The following PCDH15 variants were observed in gnomAD, a reference collection of about 807,000 sequenced individuals.
PCDH15 encodes the protein protocadherin-15.
Under a neutral mutation model 178.5 loss-of-function variants are expected in PCDH15, and 129 were observed. The ratio of observed to expected loss-of-function variants is 0.72; its 90% CI spans 0.63 to 0.84. The LOEUF (loss-of-function observed/expected upper bound fraction) is 0.84. Ranked by LOEUF, PCDH15 falls within the 40% of genes least tolerant of loss-of-function variation. The pLI is 0.00. For missense variants in PCDH15, 2,230 were observed against 2,099.9 expected, an observed-to-expected ratio of 1.06 and a Z score of -1.21; for synonymous variants, 800 against 732.0, an observed-to-expected ratio of 1.09 and a Z score of -1.50.
At chr10:54,743,339 T>C (rs1163162998) in intron 1 of PCDH15, among the ~76,000 whole-genome samples, 4 of 152,016 alleles carry the variant, frequency 2.6e-5, no homozygotes, top group African/African-American at 4.8e-5. Context: ...GAAGGTATAG[T>C]AGTATTGAAG....
chr10:55,053,275 G>C (rs940833354), intron 2 of PCDH15, among the ~76,000 whole-genome samples: 2 of 152,058 alleles, frequency 1.3e-5, no homozygotes, highest in Admixed American at 6.6e-5. Flanking sequence ...GTGCTCTGAA[G>C]GTCTAGAAGG....
intron 3 of PCDH15, among the ~76,000 whole-genome samples, chr10:54,454,247 A>G (rs1293657248): frequency 6.7e-6 from 1 of 149,508 alleles, no homozygotes; most frequent in Non-Finnish European, 1.5e-5. Flanking sequence ...ATACACAATG[A>G]CCAAACAGAA....
At chr10:54,101,056 G>A (rs558033461) in intron 15 of PCDH15, among the ~76,000 whole-genome samples, 4 of 152,208 alleles carry the variant, frequency 2.6e-5, no homozygotes, top group African/African-American at 9.6e-5. Context: ...ACGTGTTGTG[G>A]GAGAGACCTG....
chr10:54,992,932 G>A (rs188393089), intron 2 of PCDH15, among the ~76,000 whole-genome samples: 5 of 152,248 alleles, frequency 3.3e-5, no homozygotes, highest in Admixed American at 2.0e-4. Flanking sequence ...AAAAGATAAT[G>A]TTTGCTGCTC....
intron 32 of PCDH15, chr10:53,822,024 C>G: frequency 1.9e-6 from 3 of 1,613,964 alleles, no homozygotes; most frequent in Non-Finnish European, 2.5e-6. Context: ...TTCTATTTGA[C>G]TGTACATGTT....
intron 2 of PCDH15, among the ~76,000 whole-genome samples, chr10:55,495,662 G>T (rs957584987): frequency 1.3e-5 from 2 of 151,658 alleles, no homozygotes; most frequent in Non-Finnish European, 2.9e-5. Flanking sequence ...AAGATTACAG[G>T]TTCTTTAAGA....
chr10:53,996,500 G>A (rs1276705298), intron 20 of PCDH15, among the ~76,000 whole-genome samples: 1 of 152,116 alleles, frequency 6.6e-6, no homozygotes, highest in Non-Finnish European at 1.5e-5. Flanking sequence ...TTCAGTGCGA[G>A]GCACTGAAGA....
chr10:53,821,104 G>A (rs935649913), intron 32 of PCDH15: 7 of 979,390 alleles, frequency 7.1e-6, no homozygotes, highest in Non-Finnish European at 8.5e-6. Context: ...AAAAGTCAAC[G>A]ACTCAAGATT....
intron 2 of PCDH15, among the ~76,000 whole-genome samples, chr10:55,359,771 C>CACACACAT (rs1491128091): frequency 2.9e-5 from 4 of 136,688 alleles, no homozygotes; most frequent in East Asian, 2.1e-4. Context: ...CACACACACA[C>CACACACAT]ATATATATAT....
At chr10:54,433,457 GC>G (rs1300701510) in intron 3 of PCDH15, among the ~76,000 whole-genome samples, 3 of 152,126 alleles carry the variant, frequency 2.0e-5, no homozygotes, top group Non-Finnish European at 2.9e-5. Context: ...AATAAGCCAG[GC>G]ACAGTAAGAC....
intron 16 of PCDH15, among the ~76,000 whole-genome samples, chr10:54,084,953 G>A (rs375166130): frequency 2.8e-4 from 43 of 152,196 alleles, no homozygotes; most frequent in African/African-American, 9.9e-4. Context: ...GTTGCTTCAA[G>A]TTTGACATGG....
chr10:54,735,374 C>T (rs1943962859), intron 1 of PCDH15, among the ~76,000 whole-genome samples: 1 of 151,976 alleles, frequency 6.6e-6, no homozygotes. Flanking sequence ...TCTCTGATGG[C>T]CAGTGATGAT....
chr10:55,357,261 A>G (rs2131974057), intron 2 of PCDH15, among the ~76,000 whole-genome samples: 1 of 152,096 alleles, frequency 6.6e-6, no homozygotes, highest in South Asian at 2.1e-4. Context: ...ATACAACAAA[A>G]GTATTTAGAA....
chr10:54,183,663 C>T lies in PCDH15; in HGVS notation c.1441-70G>A, dbSNP rs1305082943. The stretch of plus-strand genomic sequence containing the variant: ...ATAAGTAGTACAGAGTTTGCTCTTA[C>T]AGTTTAACAAGTTTCTTACAGGTAA... On this transcript the variant is annotated intron_variant, in intron 12 of 37. Transcript: ENST00000644397. 6 of 1,565,676 alleles carry T rather than the reference C, an allele frequency of 3.8e-6. 1 individual carries two copies. The highest frequency in any genetic ancestry group is 5.3e-6 in the Non-Finnish European group (6 of 1,142,516).
chr10:54,489,170 T>C (rs541966212), intron 3 of PCDH15, among the ~76,000 whole-genome samples: 3 of 152,108 alleles, frequency 2.0e-5, no homozygotes, highest in Non-Finnish European at 2.9e-5. Flanking sequence ...TTCTGTTTAT[T>C]TAAAATATTG....
chr10:54,616,854 T>A (rs1247927154), intron 2 of PCDH15, among the ~76,000 whole-genome samples: 1 of 152,118 alleles, frequency 6.6e-6, no homozygotes, highest in Non-Finnish European at 1.5e-5. Context: ...TTTCTTTGGA[T>A]GCCCGCTTTT....
chr10:54,983,343 C>CA (rs1429791159), intron 2 of PCDH15, among the ~76,000 whole-genome samples: 1 of 151,570 alleles, frequency 6.6e-6, no homozygotes, highest in Non-Finnish European at 1.5e-5. Context: ...ATGTGAAGGT[C>CA]AAAATAATAT....
chr10:54,612,589 G>A (rs930179400), intron 2 of PCDH15, among the ~76,000 whole-genome samples: 1 of 151,564 alleles, frequency 6.6e-6, no homozygotes, highest in African/African-American at 2.4e-5. Flanking sequence ...CTAAAAGTTT[G>A]AAAAACAAAC....
At chr10:53,939,439 T>TA (rs958296501) in intron 24 of PCDH15, among the ~76,000 whole-genome samples, 7 of 151,988 alleles carry the variant, frequency 4.6e-5, no homozygotes, top group South Asian at 2.1e-4. Flanking sequence ...TGAGAGAAAA[T>TA]AAAAAAATGG....
Sources: gnomAD v4.1 joint callset for allele counts (sites outside exome capture counted in the v4.1 genomes callset) on GRCh38, gnomAD v4.1.1 for gene constraint, MANE v1.5 for transcripts, NCBI Gene and HGNC (gene_info 2026-07-23, HGNC 2026-07-21) for gene names.